The following PRKAG2 variants were observed in gnomAD, a reference collection of about 807,000 sequenced individuals.
PRKAG2 encodes the protein protein kinase AMP-activated non-catalytic subunit gamma 2, also known as 5'-AMP-activated protein kinase subunit gamma-2.
A neutral mutation model predicts 69.6 loss-of-function variants in PRKAG2; 26 were observed. The observed-to-expected ratio is 0.37, with a 90% CI of 0.27 to 0.52. The LOEUF (loss-of-function observed/expected upper bound fraction) is 0.52. PRKAG2 is among the 20% of genes least tolerant of loss of function. The pLI is 0.90. For synonymous variants in PRKAG2, 293 were observed against 285.0 expected, an observed-to-expected ratio of 1.03 and a Z score of -0.28; for missense variants, 557 against 740.0, an observed-to-expected ratio of 0.75 and a Z score of 2.87.
chr7:151,791,711 C>T (rs985383308), intron 1 of PRKAG2, among the ~76,000 whole-genome samples: 2 of 152,226 alleles, frequency 1.3e-5, no homozygotes, highest in Non-Finnish European at 1.5e-5. Context: ...TGAGAGAATT[C>T]CTGAGATGTA....
intron 4 of PRKAG2, among the ~76,000 whole-genome samples, chr7:151,659,462 T>C (rs11982435): frequency 0.017 from 2,596 of 152,358 alleles, 84 homozygotes; most frequent in African/African-American, 0.059. Context: ...TACCACCTTA[T>C]AAAAAGGCAT....
At chr7:151,852,037 G>A (rs2079581264) in intron 1 of PRKAG2, among the ~76,000 whole-genome samples, 1 of 152,162 alleles carries the variant, frequency 6.6e-6, no homozygotes, top group Non-Finnish European at 1.5e-5. Flanking sequence ...TCCCATGTCT[G>A]GAAGAATGCC....
intron 1 of PRKAG2, among the ~76,000 whole-genome samples, chr7:151,794,444 G>C (rs1045066054): frequency 2.0e-5 from 3 of 152,250 alleles, no homozygotes; most frequent in Non-Finnish European, 4.4e-5. Context: ...ATCACGGGCT[G>C]GTGGGAAACG....
chr7:151,725,785 C>T (rs908069687), intron 3 of PRKAG2, among the ~76,000 whole-genome samples: 7 of 152,284 alleles, frequency 4.6e-5, no homozygotes, highest in African/African-American at 1.4e-4. Context: ...GGCTGGTCTG[C>T]ACCCTGCCTG....
intron 4 of PRKAG2, among the ~76,000 whole-genome samples, chr7:151,650,047 T>C (rs547053350): frequency 6.6e-6 from 1 of 152,236 alleles, no homozygotes; most frequent in African/African-American, 2.4e-5. Context: ...ATTTTCTTTT[T>C]AAACAGCAAA....
intron 5 of PRKAG2, 51 bp from the exon 6 acceptor site, chr7:151,595,505 C>A: frequency 8.1e-7 from 1 of 1,241,810 alleles, no homozygotes; most frequent in South Asian, 1.2e-5. Context: ...TTCCCTCAAT[C>A]GGATGAAGAG....
intron 3 of PRKAG2, among the ~76,000 whole-genome samples, chr7:151,721,667 G>C (rs898418054): frequency 5.9e-5 from 9 of 152,178 alleles, no homozygotes; most frequent in Non-Finnish European, 1.2e-4. Flanking sequence ...AGCAGGGTAG[G>C]CCCCTCTAAA....
At chr7:151,685,734 A>ACT (rs1563425376) in intron 3 of PRKAG2, among the ~76,000 whole-genome samples, 2 of 150,710 alleles carry the variant, frequency 1.3e-5, no homozygotes, top group African/African-American at 2.4e-5. Flanking sequence ...GCGCCGCTGG[A>ACT]CTCCAATCTG....
chr7:151,615,090 G>C (rs1819779130), intron 5 of PRKAG2, among the ~76,000 whole-genome samples: 1 of 152,112 alleles, frequency 6.6e-6, no homozygotes, highest in Non-Finnish European at 1.5e-5. Flanking sequence ...AACCCCCAGA[G>C]AGGAGCTGTG....
At chr7:151,595,548 T>A (rs758628710) in intron 5 of PRKAG2, 94 bp from the exon 6 acceptor site, 5 of 874,466 alleles carry the variant, frequency 5.7e-6, no homozygotes, top group Non-Finnish European at 9.4e-6. Flanking sequence ...ACAGACTTAA[T>A]GGTAAAATAC....
intron 4 of PRKAG2, among the ~76,000 whole-genome samples, chr7:151,650,289 G>A (rs143138119): frequency 1.5e-3 from 194 of 133,346 alleles, no homozygotes; most frequent in African/African-American, 5.4e-3. Flanking sequence ...GGGTGATAGC[G>A]AAACCCAGTC....
chr7:151,701,814 G>A (rs1837742947), intron 3 of PRKAG2, among the ~76,000 whole-genome samples: 1 of 147,314 alleles, frequency 6.8e-6, no homozygotes, highest in Admixed American at 6.7e-5. Context: ...CTGCACTCCA[G>A]CCTGGGCGAC....
chr7:151,637,648 T>C (rs904464887), intron 4 of PRKAG2, among the ~76,000 whole-genome samples: 8 of 152,060 alleles, frequency 5.3e-5, no homozygotes, highest in African/African-American at 9.7e-5. Context: ...TAGTAAGAAA[T>C]CTTATGTTTT....
chr7:151,558,996 T>G (rs1804366294), intron 15 of PRKAG2: 1 of 985,450 alleles, frequency 1.0e-6, no homozygotes, highest in East Asian at 1.1e-4. Context: ...CTGGGCAGAC[T>G]GTGTCCCGTG....
chr7:151,732,583 C>T (rs765723494), intron 3 of PRKAG2, among the ~76,000 whole-genome samples: 24 of 152,186 alleles, frequency 1.6e-4, no homozygotes, highest in Non-Finnish European at 2.8e-4. Flanking sequence ...GCAGAGCCAG[C>T]GGTTTTTATG....
chr7:151,664,521 C>A (rs2151437861), intron 4 of PRKAG2, among the ~76,000 whole-genome samples: 1 of 152,326 alleles, frequency 6.6e-6, no homozygotes, highest in South Asian at 2.1e-4. Flanking sequence ...CTGTCCACAT[C>A]CTCCACCCTT....
intron 3 of PRKAG2, among the ~76,000 whole-genome samples, chr7:151,679,902 T>TA (rs111375601): frequency 0.35 from 51,882 of 146,242 alleles, 8,985 homozygotes; most frequent in Middle Eastern, 0.39. Context: ...CTGTCTCTAT[T>TA]AAAAAAAAAA....
At chr7:151,872,951 G>A (rs986991594) in intron 1 of PRKAG2, among the ~76,000 whole-genome samples, 51 of 152,332 alleles carry the variant, frequency 3.3e-4, no homozygotes, top group African/African-American at 1.0e-3. Context: ...AATACAGGAC[G>A]CCCCCATTAA....
intron 1 of PRKAG2, among the ~76,000 whole-genome samples, chr7:151,875,186 AG>A (rs1563773789): frequency 6.6e-6 from 1 of 152,244 alleles, no homozygotes; most frequent in Non-Finnish European, 1.5e-5. Flanking sequence ...CACAGCAGCC[AG>A]GGGTCCAAGT....
Sources: gnomAD v4.1 joint callset for allele counts (sites outside exome capture counted in the v4.1 genomes callset) on GRCh38, gnomAD v4.1.1 for gene constraint, MANE v1.5 for transcripts, NCBI Gene and HGNC (gene_info 2026-07-23, HGNC 2026-07-21) for gene names.